MLIP: variants seen among roughly 807,000 people sequenced by gnomAD.
MLIP encodes the protein muscular LMNA interacting protein, also known as muscular LMNA-interacting protein.
Under a neutral mutation model 84.8 loss-of-function variants are expected in MLIP, and 79 were observed. The ratio of observed to expected loss-of-function variants is 0.93; its 90% CI spans 0.78 to 1.12. MLIP has a LOEUF of 1.12. Ranked by LOEUF, MLIP falls within the 50% of genes most tolerant of loss-of-function variation. The pLI is 0.00. For missense variants in MLIP, 1,257 were observed against 1,160.6 expected, an observed-to-expected ratio of 1.08 and a Z score of -1.21; for synonymous variants, 504 against 463.0, an observed-to-expected ratio of 1.09 and a Z score of -1.14.
intron 13 of MLIP, among the ~76,000 whole-genome samples, chr6:54,262,514 G>T (rs971230418): frequency 2.6e-5 from 4 of 152,006 alleles, no homozygotes; most frequent in African/African-American, 9.7e-5. Context: ...CTTTACACAA[G>T]GTAAAGTAAA....
intron 11 of MLIP, chr6:54,216,234 G>C: frequency 2.0e-6 from 2 of 985,290 alleles, no homozygotes; most frequent in East Asian, 1.1e-4. Flanking sequence ...TCCTGCTAAA[G>C]GGTCAACTGA....
chr6:54,211,355 C>A (rs1431108889), intron 11 of MLIP, among the ~76,000 whole-genome samples: 3 of 152,088 alleles, frequency 2.0e-5, no homozygotes. Context: ...TTGTTTTTCT[C>A]TCTCTTAAGC....
At chr6:54,208,860 C>G (rs1347553610) in intron 11 of MLIP, among the ~76,000 whole-genome samples, 1 of 152,174 alleles carries the variant, frequency 6.6e-6, no homozygotes. Flanking sequence ...CCCTCCCTCC[C>G]TACACAGTTT....
intron 13 of MLIP, among the ~76,000 whole-genome samples, chr6:54,263,180 C>T (rs1783492873): frequency 1.3e-5 from 2 of 152,004 alleles, no homozygotes; most frequent in African/African-American, 4.8e-5. Context: ...ACAAACAAAA[C>T]ACTAAGATCA....
intron 11 of MLIP, among the ~76,000 whole-genome samples, chr6:54,207,284 ATAAAC>A (rs1340737405): frequency 1.3e-5 from 2 of 152,210 alleles, no homozygotes; most frequent in African/African-American, 2.4e-5. Context: ...CATCAGCACG[ATAAAC>A]TAGTTTCTTA....
At chr6:54,118,890 G>GGCCAACA (rs1235908941) in intron 1 of MLIP, among the ~76,000 whole-genome samples, 3 of 152,192 alleles carry the variant, frequency 2.0e-5, no homozygotes, top group Non-Finnish European at 4.4e-5. Flanking sequence ...ACACACAAAT[G>GGCCAACA]GCCAACAGGT....
At chr6:54,019,165 G>T in intron 1 of MLIP, 4 of 1,494,432 alleles carry the variant, frequency 2.7e-6, no homozygotes, top group Non-Finnish European at 2.8e-6. Flanking sequence ...TCATAGACTG[G>T]AAAAGTTGTG....
intron 13 of MLIP, among the ~76,000 whole-genome samples, chr6:54,260,181 A>G (rs1163551287): frequency 6.6e-6 from 1 of 151,946 alleles, no homozygotes; most frequent in African/African-American, 2.4e-5. Context: ...TCAGTAATTC[A>G]TTTAAATACA....
intron 1 of MLIP, among the ~76,000 whole-genome samples, chr6:54,078,697 T>TC (rs1041162918): frequency 6.7e-6 from 1 of 148,706 alleles, no homozygotes; most frequent in African/African-American, 2.5e-5. Context: ...CTTTCTTTTT[T>TC]TTTTTTTTTT....
At chr6:54,141,333 G>A (rs911743792) in intron 4 of MLIP, among the ~76,000 whole-genome samples, 14 of 58,064 alleles carry the variant, frequency 2.4e-4, no homozygotes, top group Non-Finnish European at 3.8e-4. Flanking sequence ...TTTGAGACAC[G>A]TCCCACTGTG....
At chr6:54,230,944 C>A (rs528546188) in intron 12 of MLIP, 27 bp downstream of exon 12, 1 of 1,599,730 alleles carries the variant, frequency 6.3e-7, no homozygotes, top group African/African-American at 1.3e-5. Flanking sequence ...AAAATGAGGA[C>A]TATTCTATTC....
chr6:54,228,324 G>A (rs557907641), intron 11 of MLIP, among the ~76,000 whole-genome samples: 1 of 151,972 alleles, frequency 6.6e-6, no homozygotes, highest in East Asian at 1.9e-4. Context: ...AACATAGAAG[G>A]CAATTAGCAC....
intron 4 of MLIP, among the ~76,000 whole-genome samples, chr6:54,142,309 A>G (rs1772385008): frequency 6.6e-6 from 1 of 152,198 alleles, no homozygotes; most frequent in Admixed American, 6.5e-5. Flanking sequence ...CCTCCAAATA[A>G]GTAAATTATT....
chr6:54,219,291 T>A (rs1314253895), intron 11 of MLIP, among the ~76,000 whole-genome samples: 7 of 151,294 alleles, frequency 4.6e-5, no homozygotes, highest in African/African-American at 1.7e-4. Context: ...TATTTTTTAT[T>A]TATATCTTTA....
chr6:54,128,681 A>G (rs192236436), intron 3 of MLIP, among the ~76,000 whole-genome samples: 2 of 152,234 alleles, frequency 1.3e-5, no homozygotes, highest in Admixed American at 6.5e-5. Flanking sequence ...GAGGTCATGC[A>G]TTGGAGGGGT....
chr6:54,088,749 A>G (rs1413706181), intron 1 of MLIP, among the ~76,000 whole-genome samples: 6 of 152,204 alleles, frequency 3.9e-5, no homozygotes, highest in South Asian at 4.1e-4. Context: ...GAGAAAAATT[A>G]GTAATCTGTG....
At chr6:54,197,290 C>A (rs1452805559) in intron 10 of MLIP, among the ~76,000 whole-genome samples, 1 of 152,044 alleles carries the variant, frequency 6.6e-6, no homozygotes, top group African/African-American at 2.4e-5. Context: ...AGATGAGTGA[C>A]ATGACTCGAC....
intron 1 of MLIP, among the ~76,000 whole-genome samples, chr6:54,081,135 T>C (rs1044654015): frequency 3.9e-5 from 6 of 152,304 alleles, no homozygotes; most frequent in African/African-American, 9.6e-5. Context: ...CCTCTGACAC[T>C]GATGCCTCAT....
chr6:54,137,937 G>A lies in MLIP; in HGVS notation c.1868G>A (p.Arg623Lys), dbSNP rs1327794981. The A allele has an allele frequency of 6.5e-7, 1 of 1,536,072 alleles. No homozygotes were observed. Among genetic ancestry groups the A allele is most frequent in the Admixed American group, 2.0e-5 (1 of 50,996 alleles). Residue 623 changes from arginine (R) to lysine (K), a missense_variant, in exon 4 of 14, where the codon AGA becomes AAA. Arg to Lys is a conservative substitution (Grantham distance 26). Coordinates refer to ENST00000502396, the MANE Select transcript of MLIP (RefSeq NM_001281747.2). ...CCAGCTCTTTCAAGCCTGATAAACA[G>A]ATCTAAAAGAGCATCATCCCAACTA... ...PSPALSSLINRSKRASSQLSG... is the reference protein window; with the variant it reads ...PSPALSSLINKSKRASSQLSG...
Sources: gnomAD v4.1 joint callset for allele counts (sites outside exome capture counted in the v4.1 genomes callset) on GRCh38, gnomAD v4.1.1 for gene constraint, MANE v1.5 for transcripts, NCBI Gene and HGNC (gene_info 2026-07-23, HGNC 2026-07-21) for gene names.